The following PLA2R1 variants were observed in gnomAD, a reference collection of about 807,000 sequenced individuals.
The protein encoded by PLA2R1 is phospholipase A2 receptor 1, also known as secretory phospholipase A2 receptor.
Under a neutral mutation model 195.9 loss-of-function variants are expected in PLA2R1, and 158 were observed. The ratio of observed to expected loss-of-function variants is 0.81; its 90% confidence interval spans 0.71 to 0.92. The LOEUF is 0.92. PLA2R1 is among the 40% of genes least tolerant of loss of function. The pLI, the probability that PLA2R1 is intolerant of heterozygous loss-of-function variation, is 0.00. For synonymous variants in PLA2R1, 586 were observed against 598.2 expected, an observed-to-expected ratio of 0.98 and a Z score of 0.30; for missense variants, 1,626 against 1,764.6, an observed-to-expected ratio of 0.92 and a Z score of 1.41.
intron 11 of PLA2R1, 118 bp from the exon 12 acceptor site, chr2:159,987,476 C>T: frequency 1.5e-6 from 1 of 685,470 alleles, no homozygotes; most frequent in Non-Finnish European, 2.5e-6. Context: ...CAGACAAGAG[C>T]AATCAAGATG....
rs1687428272 is a variant in PLA2R1, at chr2:159,946,969, CT to C, written c.3851-53del. The C allele has an allele frequency of 2.6e-6, 3 of 1,156,032 alleles. No homozygotes were observed. In the South Asian group the frequency reaches 4.1e-5, roughly 16 times the overall value. The allele number at this position is 1,156,032 out of a possible 1,614,324, so 71.6% of individuals were successfully genotyped here. On this transcript the variant is annotated intron_variant, in intron 26 of 29. Coordinates refer to ENST00000283243, the MANE Select transcript of PLA2R1 (RefSeq NM_007366.5). ...ATATTTGTGTTTACACATAAATATA[CT>C]TTAAAAAATGTTTCCTATACTATTA...
At chr2:160,062,242 C>T (rs1243883705) in intron 1 of PLA2R1, 53 bp downstream of exon 1, 131 of 1,301,922 alleles carry the variant, frequency 1.0e-4, no homozygotes, top group Non-Finnish European at 1.2e-4. Context: ...CTTCGACCAC[C>T]CCGACCCCCC....
intron 11 of PLA2R1, among the ~76,000 whole-genome samples, chr2:159,989,973 T>C (rs1450997235): frequency 1.3e-5 from 2 of 152,174 alleles, no homozygotes; most frequent in Admixed American, 6.6e-5. Context: ...TGAACCACTA[T>C]GAAGATGAAA....
At chr2:160,047,182 G>A (rs144580237) in intron 1 of PLA2R1, among the ~76,000 whole-genome samples, 46 of 152,286 alleles carry the variant, frequency 3.0e-4, no homozygotes, top group African/African-American at 1.1e-3. Context: ...CAGACCTGCT[G>A]TGTAACTTTG....
chr2:159,967,126 T>C (rs1188271666), intron 20 of PLA2R1, among the ~76,000 whole-genome samples: 1 of 151,950 alleles, frequency 6.6e-6, no homozygotes, highest in Non-Finnish European at 1.5e-5. Context: ...TACAGCTTAT[T>C]TGGGAGCAGA....
At chr2:159,980,622 T>C (rs185663141) in intron 13 of PLA2R1, among the ~76,000 whole-genome samples, 142 of 152,256 alleles carry the variant, frequency 9.3e-4, no homozygotes, top group Non-Finnish European at 1.6e-3. Context: ...TTGTCACCAT[T>C]GGTTTATACT....
chr2:159,942,002 G>A lies in PLA2R1; in HGVS notation c.4178-10C>T, dbSNP rs1438805091. 6.2e-7 allele frequency: 1 copy of A among 1,606,468 alleles called. No individual in the cohort carries two copies. The highest frequency in any genetic ancestry group is 8.5e-7 in the Non-Finnish European group (1 of 1,175,350). ...ATGCTGTGACTTGGTCCTGAAAGAAGATATTTTTCTTAAAAAAAGAAAAAC... is the reference window on the plus strand; with the variant it reads ...ATGCTGTGACTTGGTCCTGAAAGAAAATATTTTTCTTAAAAAAAGAAAAAC... On this transcript the variant is annotated splice_polypyrimidine_tract_variant and intron_variant, in intron 29 of 29. Transcript: ENST00000283243.
chr2:159,979,706 T>C lies in PLA2R1; in HGVS notation c.2268+124A>G. On this transcript the variant is annotated intron_variant, in intron 14 of 29. Transcript: ENST00000283243. ...CCAAATAATTCTCCTGGTACTAAGG[T>C]CTGGTGCAGTTTTGTCATGGGAGCT... 4 of 590,192 alleles carry C rather than the reference T, an allele frequency of 6.8e-6. No homozygotes were observed. In the South Asian group the frequency reaches 8.9e-5, roughly 13 times the overall value. 36.6% of individuals were successfully genotyped at this position (590,192 alleles called of 1,614,324 possible). A position where few individuals can be genotyped will look rare whatever the true frequency, so the allele number is the denominator to read the frequency against.
At chr2:159,998,416 T>C in intron 11 of PLA2R1, among the ~76,000 whole-genome samples, 1 of 152,188 alleles carries the variant, frequency 6.6e-6, no homozygotes, top group East Asian at 1.9e-4. Flanking sequence ...ATCATAGAGC[T>C]GGAATTTGAA....
intron 20 of PLA2R1, among the ~76,000 whole-genome samples, chr2:159,962,168 G>C (rs982077053): frequency 1.3e-5 from 2 of 151,986 alleles, no homozygotes; most frequent in African/African-American, 4.8e-5. Flanking sequence ...AATCTACAAA[G>C]AACTTAAACA....
the PLA2R1 span, among the ~76,000 whole-genome samples, chr2:159,924,936 T>A: frequency 1.3e-5 from 2 of 152,188 alleles, no homozygotes; most frequent in African/African-American, 4.8e-5. Flanking sequence ...TGAGGCATAT[T>A]ACTCCTGTGG....
intron 11 of PLA2R1, among the ~76,000 whole-genome samples, chr2:159,999,189 G>C (rs1691428883): frequency 6.6e-6 from 1 of 152,052 alleles, no homozygotes; most frequent in African/African-American, 2.4e-5. Flanking sequence ...CCAGCCTCTA[G>C]AACTGTGAGA....
At position 159,935,948 on chromosome 2, in the gene PLA2R1, T is replaced by TTTTTTTTTTTTTTTTTTTTTG. The variant is rs1686805213; in HGVS notation, c.*5829_*5830insCAAAAAAAAAAAAAAAAAAAA. 1 of 16,472 alleles carries TTTTTTTTTTTTTTTTTTTTTG rather than the reference T, an allele frequency of 6.1e-5. No individual in the cohort carries two copies. Among genetic ancestry groups the TTTTTTTTTTTTTTTTTTTTTG allele is most frequent in the East Asian group, 2.3e-3 (1 of 426 alleles). 1.0% of individuals were successfully genotyped at this position (16,472 alleles called of 1,614,324 possible). A position where few individuals can be genotyped will look rare whatever the true frequency, so the allele number is the denominator to read the frequency against. On this transcript the variant is annotated 3_prime_UTR_variant, in exon 30 of 30. Transcript: ENST00000283243. ...GTAAAAATATGTATATAAATTAATT[T>TTTTTTTTTTTTTTTTTTTTTG]TTTTTTTTTTTTTTTTTTTTTGAGA...
intron 19 of PLA2R1, among the ~76,000 whole-genome samples, chr2:159,969,029 T>C (rs1048625129): frequency 3.9e-5 from 6 of 152,200 alleles, no homozygotes; most frequent in African/African-American, 1.4e-4. Flanking sequence ...TCTTGATTTA[T>C]GAGGAAGGAC....
downstream of PLA2R1, among the ~76,000 whole-genome samples, chr2:159,931,539 C>T (rs956555236): frequency 6.6e-6 from 1 of 152,106 alleles, no homozygotes; most frequent in Non-Finnish European, 1.5e-5. Context: ...TTGGGGCTTG[C>T]ACTCAAATTG....
rs1025904912 is a variant in PLA2R1 at position 159,976,097 on chromosome 2, G to A, written c.2566C>T (p.Gln856Ter). 1.9e-6 allele frequency: 3 copies of A among 1,598,360 alleles called. No homozygotes were observed. The African/African-American group carries it at 4.0e-5, about 22-fold the overall frequency. Reference sequence around the variant, plus strand: ...TTTATTTTGCTGTGGATGAATTCTTGCTCATGTGCAGAATGAATTGTGAGA... The same window carrying A: ...TTTATTTTGCTGTGGATGAATTCTTACTCATGTGCAGAATGAATTGTGAGA... ...DLLTIHSAHE[Q>*]EFIHSKIKAL... The change falls in exon 17 of 30, where the codon CAA becomes TAA. Residue 856 changes from glutamine to a stop codon, truncating the protein, a stop_gained. Transcript: ENST00000283243. LOFTEE classifies it high-confidence loss of function.
rs140690255 is a variant in PLA2R1, at chr2:159,974,408, T to C, written c.2595+1660A>G. On this transcript the variant is annotated intron_variant, in intron 17 of 29. Coordinates refer to ENST00000283243, the MANE Select transcript of PLA2R1 (RefSeq NM_007366.5). ...ATAATAGACTTCCCACAGGGGGTTC[T>C]TGGGAAGATTACATTTTAGTACTTA... Among the ~76,000 whole-genome samples, 1,357 of 152,300 alleles carry C rather than the reference T, an allele frequency of 8.9e-3. 12 individuals carry two copies. Among genetic ancestry groups the C allele is most frequent in the Non-Finnish European group, 0.013 (888 of 68,028 alleles).
chr2:160,019,582 T>A (rs1692971156), intron 8 of PLA2R1, among the ~76,000 whole-genome samples: 1 of 152,246 alleles, frequency 6.6e-6, no homozygotes, highest in Non-Finnish European at 1.5e-5. Context: ...AATTGTAAAA[T>A]GTAAATCAGG....
chr2:159,950,616 G>T (rs913403604), intron 24 of PLA2R1, among the ~76,000 whole-genome samples: 1 of 152,130 alleles, frequency 6.6e-6, no homozygotes, highest in Non-Finnish European at 1.5e-5. Flanking sequence ...AGTTGTTAAA[G>T]ATATATTAAA....
Sources: gnomAD v4.1 joint callset for allele counts (sites outside exome capture counted in the v4.1 genomes callset) on GRCh38, gnomAD v4.1.1 for gene constraint, MANE v1.5 for transcripts, NCBI Gene and HGNC (gene_info 2026-07-23, HGNC 2026-07-21) for gene names.